IQGAP2: variants seen among roughly 807,000 people sequenced by gnomAD.
The protein encoded by IQGAP2 is ras GTPase-activating-like protein IQGAP2.
Under a neutral mutation model 201.3 loss-of-function variants are expected in IQGAP2, and 173 were observed. The observed-to-expected ratio is 0.86, with a 90% CI of 0.76 to 0.98. The LOEUF (loss-of-function observed/expected upper bound fraction) is 0.98. Among genes scored for constraint, IQGAP2 ranks in the 50% least tolerant of loss-of-function variants. The probability of loss-of-function intolerance (pLI) is 0.00; values close to 1 mark genes in which losing one functional copy is unlikely to be tolerated. For missense variants in IQGAP2, 1,687 were observed against 1,864.8 expected, an observed-to-expected ratio of 0.90 and a Z score of 1.76; for synonymous variants, 675 against 673.9, an observed-to-expected ratio of 1.00 and a Z score of -0.03.
Position 76,570,605 on chromosome 5 carries a change from C to A in IQGAP2, c.329C>A (p.Thr110Lys). ...YKKSGLHFRH[T>K]DNTVQWLRAM... ...AAGTCTGGCCTTCATTTTCGACACACAGATAATACCGTCCAGTGGTTAAGA... is the reference window on the plus strand; with the variant it reads ...AAGTCTGGCCTTCATTTTCGACACAAAGATAATACCGTCCAGTGGTTAAGA... Residue 110 changes from threonine (T) to lysine (K), a missense_variant, in exon 4 of 36, where the codon ACA becomes AAA. Thr to Lys is a moderately conservative substitution (Grantham distance 78, BLOSUM62 -1). Coordinates refer to ENST00000274364, the MANE Select transcript of IQGAP2 (RefSeq NM_006633.5). The A allele has an allele frequency of 6.2e-7, 1 of 1,613,684 alleles. No homozygotes were observed. The highest frequency in any genetic ancestry group is 1.1e-5 in the South Asian group (1 of 91,070).
intron 1 of IQGAP2, among the ~76,000 whole-genome samples, chr5:76,429,925 T>C (rs1052629423): frequency 6.6e-6 from 1 of 151,622 alleles, no homozygotes; most frequent in East Asian, 1.9e-4. Flanking sequence ...ATTTAGGACA[T>C]TTTTTAGTTT....
In IQGAP2 at chr5:76,631,972, G is replaced by T; in HGVS notation, c.1726G>T (p.Ala576Ser). ...SNANDIIPEC[A>S]DKYYDALVKA... ...TGCAAATGACATAATCCCGGAGTGT[G>T]CTGACAAATACTATGATGCCCTTGT... The change falls in exon 15 of 36, where the codon GCT (alanine) becomes TCT (serine). Residue 576 changes from alanine to serine, a missense_variant. Coordinates refer to ENST00000274364, the MANE Select transcript of IQGAP2 (RefSeq NM_006633.5). 6.2e-7 allele frequency: 1 copy of T among 1,612,478 alleles called. No homozygotes were observed. Among genetic ancestry groups the T allele is most frequent in the Non-Finnish European group, 8.5e-7 (1 of 1,179,104 alleles).
chr5:76,692,098 A>G (rs1430165873), intron 30 of IQGAP2, among the ~76,000 whole-genome samples: 2 of 152,204 alleles, frequency 1.3e-5, no homozygotes, highest in Non-Finnish European at 2.9e-5. Context: ...TATAATTTAA[A>G]CAAACTTTTG....
chr5:76,445,787 C>T lies in IQGAP2; in HGVS notation c.47-15783C>T, dbSNP rs116457901. Among the ~76,000 whole-genome samples, 344 of 152,214 alleles carry T rather than the reference C, an allele frequency of 2.3e-3. 4 individuals are homozygous for T. The highest frequency in any genetic ancestry group is 8.0e-3 in the African/African-American group (331 of 41,552). On this transcript the variant is annotated intron_variant, in intron 1 of 35. Coordinates refer to ENST00000274364, the MANE Select transcript of IQGAP2 (RefSeq NM_006633.5). Reference sequence around the variant, plus strand: ...CCCATTTCAACCATTTTTAAGTGTACGTCTCTGTGGCATTAAGTACCTTCA... The same window carrying T: ...CCCATTTCAACCATTTTTAAGTGTATGTCTCTGTGGCATTAAGTACCTTCA...
At chr5:76,516,121 C>T (rs1052405100) in intron 2 of IQGAP2, among the ~76,000 whole-genome samples, 11 of 152,076 alleles carry the variant, frequency 7.2e-5, no homozygotes, top group Admixed American at 2.0e-4. Flanking sequence ...GCAATCCTCC[C>T]GCCTCAGCCT....
chr5:76,436,499 ATATATATATATATATATATTTTTTTT>A, intron 1 of IQGAP2, among the ~76,000 whole-genome samples: 2 of 18,698 alleles, frequency 1.1e-4, no homozygotes, highest in Non-Finnish European at 1.7e-4. Context: ...ATATATATAT[ATATATATATATATATATATTTTTTTT>A]TTTTTTTTTT....
In IQGAP2 at chr5:76,671,783, C is replaced by G. The variant is rs1744347926; in HGVS notation, c.2868C>G (p.Asp956Glu). 1.9e-6 allele frequency: 3 copies of G among 1,613,342 alleles called. No homozygotes were observed. Among genetic ancestry groups the G allele is most frequent in the Non-Finnish European group, 2.5e-6 (3 of 1,179,730 alleles). ...EIKSKVDQVQ[D>E]IVTGNPTVIK... Reference sequence around the variant, plus strand: ...GATCAAAAGTGGACCAGGTACAGGACATAGTTACTGGTAACCCTACAGTCA... The same window carrying G: ...GATCAAAAGTGGACCAGGTACAGGAGATAGTTACTGGTAACCCTACAGTCA... Residue 956 changes from aspartate (D) to glutamate (E), a missense_variant, in exon 24 of 36, where the codon GAC becomes GAG. By Grantham distance (45) the Asp-to-Glu change is conservative. Transcript: ENST00000274364.
At chr5:76,485,362 A>C (rs1013431050) in intron 2 of IQGAP2, among the ~76,000 whole-genome samples, 2 of 152,192 alleles carry the variant, frequency 1.3e-5, no homozygotes, top group Non-Finnish European at 2.9e-5. Flanking sequence ...TAGCTTCAAA[A>C]TGTCTTTGCT....
chr5:76,587,686 C>T (rs1021366739), intron 5 of IQGAP2, among the ~76,000 whole-genome samples: 14 of 152,060 alleles, frequency 9.2e-5, no homozygotes, highest in African/African-American at 3.4e-4. Flanking sequence ...GACACGATGG[C>T]TCATGCCTAT....
chr5:76,610,217 C>G (rs1160224688), intron 12 of IQGAP2, among the ~76,000 whole-genome samples: 1 of 138,002 alleles, frequency 7.2e-6, no homozygotes, highest in Non-Finnish European at 1.5e-5. Context: ...ACTGCAACCT[C>G]TGCCTCCTGG....
At chr5:76,656,363 A>C (rs1294054475) in intron 20 of IQGAP2, among the ~76,000 whole-genome samples, 1 of 151,846 alleles carries the variant, frequency 6.6e-6, no homozygotes, top group Admixed American at 6.6e-5. Flanking sequence ...TTGTATTTTT[A>C]GTAGAGATGG....
At chr5:76,454,028 A>C (rs1390735753) in intron 1 of IQGAP2, among the ~76,000 whole-genome samples, 1 of 152,200 alleles carries the variant, frequency 6.6e-6, no homozygotes, top group Non-Finnish European at 1.5e-5. Flanking sequence ...AGGAGCAGGC[A>C]GTGGGCAAAT....
At position 76,671,855 on chromosome 5, in the gene IQGAP2, C is replaced by G. The variant is rs748466556; in HGVS notation, c.2940C>G (p.Thr980=). 3 of 1,613,922 alleles carry G rather than the reference C, an allele frequency of 1.9e-6. No individual in the cohort carries two copies. Among genetic ancestry groups the G allele is most frequent in the Non-Finnish European group, 8.5e-7 (1 of 1,179,976 alleles). ...SFNRGARGQN[T]LRQLLAPVVK... ...ATAGAGGTGCCCGGGGACAGAACACCCTGCGCCAACTCCTGGCTCCAGTGG... is the reference window on the plus strand; with the variant it reads ...ATAGAGGTGCCCGGGGACAGAACACGCTGCGCCAACTCCTGGCTCCAGTGG... Residue 980 remains threonine (T), a synonymous_variant, in exon 24 of 36, where the codon ACC becomes ACG. Transcript: ENST00000274364.
chr5:76,627,321 A>T (rs1054100974), intron 13 of IQGAP2, 89 bp from the exon 14 acceptor site: 3 of 880,538 alleles, frequency 3.4e-6, no homozygotes, highest in Non-Finnish European at 5.8e-6. Flanking sequence ...TGTGGGAATT[A>T]TGATTAAATG....
intron 2 of IQGAP2, among the ~76,000 whole-genome samples, chr5:76,508,189 CTGGGCATGGTGG>C (rs1757728877): frequency 2.0e-5 from 3 of 151,056 alleles, no homozygotes; most frequent in African/African-American, 7.3e-5. Flanking sequence ...CAAAAATTAG[CTGGGCATGGTGG>C]CACATGACTA....
At chr5:76,520,411 C>T (rs1380770979) in intron 2 of IQGAP2, among the ~76,000 whole-genome samples, 1 of 152,222 alleles carries the variant, frequency 6.6e-6, no homozygotes, top group Non-Finnish European at 1.5e-5. Flanking sequence ...ATCTGCCCGC[C>T]TCAGCCTTCC....
chr5:76,441,164 C>T (rs1753010449), intron 1 of IQGAP2, among the ~76,000 whole-genome samples: 1 of 152,108 alleles, frequency 6.6e-6, no homozygotes. Flanking sequence ...AATAATAGTA[C>T]TTTATTCACA....
At chr5:76,456,159 G>T (rs1257026111) in intron 1 of IQGAP2, among the ~76,000 whole-genome samples, 1 of 152,106 alleles carries the variant, frequency 6.6e-6, no homozygotes, top group Non-Finnish European at 1.5e-5. Flanking sequence ...TTTTGCCCTT[G>T]GTAGGGATAT....
At chr5:76,421,672 A>G (rs1355460912) in intron 1 of IQGAP2, among the ~76,000 whole-genome samples, 1 of 152,202 alleles carries the variant, frequency 6.6e-6, no homozygotes, top group Non-Finnish European at 1.5e-5. Flanking sequence ...GTGTGACCTC[A>G]GATATGCAGG....
Sources: gnomAD v4.1 joint callset for allele counts (sites outside exome capture counted in the v4.1 genomes callset) on GRCh38, gnomAD v4.1.1 for gene constraint, MANE v1.5 for transcripts, NCBI Gene and HGNC (gene_info 2026-07-23, HGNC 2026-07-21) for gene names.